Variants in TNRC6A observed in about 807,000 individuals in gnomAD.
The protein encoded by TNRC6A is trinucleotide repeat-containing gene 6A protein.
A neutral mutation model predicts 221.2 loss-of-function variants in TNRC6A; 44 were observed. The observed-to-expected ratio is 0.20, with a 90% confidence interval of 0.16 to 0.26. The LOEUF is 0.26. TNRC6A is among the 10% of genes least tolerant of loss of function. TNRC6A has a pLI of 1.00. For synonymous variants in TNRC6A, 847 were observed against 838.5 expected (o/e 1.01, Z -0.18); for missense variants, 2,199 against 2,404.4 (o/e 0.91, Z 1.79).
chr16:24,666,495 A>G (rs1013895241), intron 2 of TNRC6A, among the ~76,000 whole-genome samples: 2 of 145,768 alleles, frequency 1.4e-5, no homozygotes, highest in Non-Finnish European at 3.0e-5. Context: ...AAAAAATTAG[A>G]TGGGCATTGT....
chr16:24,679,723 C>T (rs777537905), intron 2 of TNRC6A, among the ~76,000 whole-genome samples: 1 of 152,074 alleles, frequency 6.6e-6, no homozygotes, highest in African/African-American at 2.4e-5. Context: ...GCAATCCACC[C>T]GCCTCGGCCT....
At chr16:24,696,728 C>CCAAAAAAAAA (rs2055869139) in intron 2 of TNRC6A, among the ~76,000 whole-genome samples, 1 of 45,144 alleles carries the variant, frequency 2.2e-5, no homozygotes, top group Admixed American at 3.7e-4. Context: ...GACCCTGTCT[C>CCAAAAAAAAA]AAAAAAAAAA....
intron 1 of TNRC6A, among the ~76,000 whole-genome samples, chr16:24,625,528 A>G (rs1382674249): frequency 2.6e-5 from 4 of 151,984 alleles, no homozygotes; most frequent in Non-Finnish European, 4.4e-5. Flanking sequence ...GATCGAGACC[A>G]TCCTGGCTAA....
chr16:24,730,755 C>G (rs1482006640), intron 2 of TNRC6A, among the ~76,000 whole-genome samples: 2 of 95,342 alleles, frequency 2.1e-5, no homozygotes, highest in Non-Finnish European at 4.2e-5. Context: ...CCCCCCCCCC[C>G]CCATACATTG....
At chr16:24,771,566 G>GTTATGTTATGTTATGTT (rs1555502140) in intron 4 of TNRC6A, among the ~76,000 whole-genome samples, 3 of 96,518 alleles carry the variant, frequency 3.1e-5, no homozygotes, top group Admixed American at 1.1e-4. Context: ...TATGTTTTAT[G>GTTATGTTATGTTATGTT]TTATGTTATG....
At chr16:24,681,565 A>G (rs1373409220) in intron 2 of TNRC6A, among the ~76,000 whole-genome samples, 2 of 152,134 alleles carry the variant, frequency 1.3e-5, no homozygotes, top group African/African-American at 4.8e-5. Flanking sequence ...TATTGTGGAC[A>G]TATTTTCATA....
intron 12 of TNRC6A, 153 bp downstream of exon 12, chr16:24,804,472 A>G: frequency 8.9e-7 from 1 of 1,119,008 alleles, no homozygotes; most frequent in Non-Finnish European, 1.2e-6. Context: ...CTGTCTTTTT[A>G]TGTCTCAATT....
Position 24,806,231 on chromosome 16 carries a change from C to T in TNRC6A, c.4277C>T (p.Ala1426Val), listed in dbSNP as rs201497215. 3.4e-5 allele frequency: 55 copies of T among 1,614,000 alleles called. No homozygotes were observed. The highest frequency in any genetic ancestry group is 5.0e-5 in the Admixed American group (3 of 59,996). Residue 1426 changes from alanine (A) to valine (V), a missense_variant, in exon 16 of 25, where the codon GCG becomes GTG. Physicochemically the swap from Ala to Val is moderately conservative, Grantham distance 64. Coordinates refer to ENST00000395799, the MANE Select transcript of TNRC6A (RefSeq NM_014494.4). ...CGATTGTTAGCGCAGCAGCAAAGGG[C>T]GCAGAGTCAGAGAAGCGTGCCTTCT... The part of the protein sequence containing the change: ...LQRLLAQQQR[A>V]QSQRSVPSGN...
chr16:24,797,619 G>A, intron 10 of TNRC6A, 49 bp downstream of exon 10: 2 of 1,343,540 alleles, frequency 1.5e-6, no homozygotes, highest in Non-Finnish European at 2.1e-6. Context: ...GGTGGTCCAT[G>A]ATTTATCTTG....
At chr16:24,778,049 GA>G (rs1287459915) in intron 5 of TNRC6A, among the ~76,000 whole-genome samples, 1 of 152,182 alleles carries the variant, frequency 6.6e-6, no homozygotes, top group Middle Eastern at 3.2e-3. Flanking sequence ...GCCAGGTAGA[GA>G]ATTAGGTGCT....
chr16:24,815,285 G>A lies in TNRC6A; in HGVS notation c.4811G>A (p.Ser1604Asn), dbSNP rs369985659. ...WPRAKSPNGS[S>N]SVNWPPEFRP... Reference sequence around the variant, plus strand: ...CGTGCCAAATCGCCTAACGGCTCTAGCAGTGTTAATTGGCCACCAGGTAAA... The same window carrying A: ...CGTGCCAAATCGCCTAACGGCTCTAACAGTGTTAATTGGCCACCAGGTAAA... The change falls in exon 19 of 25, where the codon AGC becomes AAC. Residue 1604 changes from serine (S) to asparagine (N), a missense_variant. By Grantham distance (46) the Ser-to-Asn change is conservative (BLOSUM62 1). Around this residue, in one of 8 missense-constraint regions of TNRC6A, gnomAD observed 449 missense variants for 579.7 expected, o/e 0.77. Coordinates refer to ENST00000395799, the MANE Select transcript of TNRC6A (RefSeq NM_014494.4). 1 of 1,614,216 alleles carries A rather than the reference G, an allele frequency of 6.2e-7. No homozygotes were observed. The highest frequency in any genetic ancestry group is 1.1e-5 in the South Asian group (1 of 91,090).
Position 24,717,789 on chromosome 16 carries a change from T to G in TNRC6A, n.403-32937T>G, listed in dbSNP as rs1018081849. 7.1e-5 allele frequency among the ~76,000 whole-genome samples: 10 copies of G among 140,216 alleles called. No homozygotes were observed. The East Asian group carries it at 1.4e-3, about 20-fold the overall frequency. The allele number at this position is 140,216 out of a possible 152,430, so 92.0% of individuals were successfully genotyped here. A position where few individuals can be genotyped will look rare whatever the true frequency, so the allele number is the denominator to read the frequency against. The stretch of plus-strand genomic sequence containing the variant: ...TTTTTTCTTTTTTTTTTTTTTTTTT[T>G]GAGAAGGAGTTTTGTTCTGTCACCC... On this transcript the variant is annotated intron_variant and non_coding_transcript_variant, in intron 2 of 2. Transcript: ENST00000566108.
intron 19 of TNRC6A, 91 bp downstream of exon 19, chr16:24,815,396 G>C: frequency 1.4e-6 from 2 of 1,448,608 alleles, no homozygotes; most frequent in Non-Finnish European, 1.9e-6. Context: ...AGCCCAGATC[G>C]GCGTGCTTAG....
At chr16:24,656,141 CAAAAAA>C (rs551183501) in intron 2 of TNRC6A, among the ~76,000 whole-genome samples, 1 of 112,654 alleles carries the variant, frequency 8.9e-6, no homozygotes, top group Non-Finnish European at 1.8e-5. Context: ...GACCTTGTCT[CAAAAAA>C]AAAAAAAAAG....
intron 2 of TNRC6A, among the ~76,000 whole-genome samples, chr16:24,704,642 G>C (rs2056056736): frequency 9.2e-6 from 1 of 108,382 alleles, no homozygotes; most frequent in African/African-American, 3.3e-5. Context: ...TCCAGCCTGG[G>C]TGACAGAACA....
chr16:24,763,220 G>T (rs879879713), intron 4 of TNRC6A, among the ~76,000 whole-genome samples: 2 of 151,400 alleles, frequency 1.3e-5, no homozygotes, highest in South Asian at 2.1e-4. Flanking sequence ...ACTAAATTAC[G>T]TTCAAAGTGT....
At chr16:24,799,637 C>T (rs554900919) in intron 11 of TNRC6A, among the ~76,000 whole-genome samples, 1 of 152,320 alleles carries the variant, frequency 6.6e-6, no homozygotes, top group Non-Finnish European at 1.5e-5. Flanking sequence ...CAAATTAACA[C>T]ATCCATATGA....
chr16:24,780,200 C>T (rs769944118), intron 5 of TNRC6A, among the ~76,000 whole-genome samples: 1 of 152,192 alleles, frequency 6.6e-6, no homozygotes, highest in Non-Finnish European at 1.5e-5. Flanking sequence ...AGTGAACACT[C>T]GTATACCCTC....
chr16:24,671,445 G>A (rs1274768946), intron 2 of TNRC6A, among the ~76,000 whole-genome samples: 3 of 152,192 alleles, frequency 2.0e-5, no homozygotes, highest in African/African-American at 7.2e-5. Context: ...ATGAGGTGGA[G>A]GATGCTGGTT....
Sources: gnomAD v4.1 joint callset for allele counts (sites outside exome capture counted in the v4.1 genomes callset) on GRCh38, gnomAD v4.1.1 for gene constraint, gnomAD v4.1.1 regional missense constraint, MANE v1.5 for transcripts, NCBI Gene and HGNC (gene_info 2026-07-23, HGNC 2026-07-21) for gene names.